NTM: variants seen among roughly 807,000 people sequenced by gnomAD.
The protein encoded by NTM is neurotrimin, also known as IgLON family member 2.
In NTM, 13 loss-of-function variants were observed where a neutral mutation model predicts 42.1. The ratio of observed to expected loss-of-function variants is 0.31; its 90% CI spans 0.20 to 0.49. The LOEUF (loss-of-function observed/expected upper bound fraction) is 0.49. NTM is among the 20% of genes least tolerant of loss of function. NTM has a pLI of 0.99. For missense variants in NTM, 373 were observed against 452.8 expected, an observed-to-expected ratio of 0.82 and a Z score of 1.60; for synonymous variants, 187 against 179.2, an observed-to-expected ratio of 1.04 and a Z score of -0.35.
At chr11:131,909,425 T>C (rs2054353669) in intron 1 of NTM, among the ~76,000 whole-genome samples, 1 of 152,232 alleles carries the variant, frequency 6.6e-6, no homozygotes, top group South Asian at 2.1e-4. Flanking sequence ...GGATGGCTTT[T>C]TGGAAGACCA....
chr11:132,038,523 A>G (rs1343901786), intron 2 of NTM, among the ~76,000 whole-genome samples: 1 of 151,896 alleles, frequency 6.6e-6, no homozygotes, highest in Non-Finnish European at 1.5e-5. Context: ...CCCTGACTGT[A>G]AAGAGGGGGT....
intron 2 of NTM, among the ~76,000 whole-genome samples, chr11:132,137,489 C>A (rs1029296923): frequency 6.6e-6 from 1 of 152,186 alleles, no homozygotes; most frequent in Non-Finnish European, 1.5e-5. Context: ...CAGACTCTTT[C>A]TTTCACGAGG....
intron 2 of NTM, among the ~76,000 whole-genome samples, chr11:132,035,938 C>A (rs1176179719): frequency 6.6e-6 from 1 of 152,112 alleles, no homozygotes; most frequent in Non-Finnish European, 1.5e-5. Flanking sequence ...GAGTGTGGAC[C>A]ATGTGCTGCT....
chr11:131,390,139 C>T (rs1029032762), intron 1 of NTM, among the ~76,000 whole-genome samples: 2 of 152,128 alleles, frequency 1.3e-5, no homozygotes, highest in African/African-American at 4.8e-5. Context: ...TTGGGTGAGG[C>T]CTCAGGAAGC....
intron 1 of NTM, among the ~76,000 whole-genome samples, chr11:131,636,585 G>T (rs1343539769): frequency 6.6e-6 from 1 of 152,204 alleles, no homozygotes; most frequent in African/African-American, 2.4e-5. Flanking sequence ...CATCTGTGAA[G>T]TTCTTTTGAA....
chr11:131,676,463 G>A (rs1013887046), intron 1 of NTM, among the ~76,000 whole-genome samples: 1 of 152,214 alleles, frequency 6.6e-6, no homozygotes, highest in African/African-American at 2.4e-5. Context: ...GTCTGTGCCT[G>A]TGTACATGCG....
intron 7 of NTM, among the ~76,000 whole-genome samples, chr11:132,321,483 G>T (rs541431251): frequency 6.6e-6 from 1 of 152,238 alleles, no homozygotes; most frequent in African/African-American, 2.4e-5. Context: ...GAGAAAAAAA[G>T]AATAAAAAGA....
chr11:131,894,794 T>C (rs1337271025), intron 1 of NTM, among the ~76,000 whole-genome samples: 1 of 152,174 alleles, frequency 6.6e-6, no homozygotes, highest in Non-Finnish European at 1.5e-5. Flanking sequence ...AAAGGGAAAA[T>C]GTCATTTTGG....
At chr11:132,217,929 CCTT>C (rs1393739430) in intron 4 of NTM, among the ~76,000 whole-genome samples, 1 of 152,120 alleles carries the variant, frequency 6.6e-6, no homozygotes, top group Non-Finnish European at 1.5e-5. Context: ...ACTGACAAGG[CCTT>C]CTCCTAGCCA....
chr11:131,485,263 G>T (rs1018058146), intron 1 of NTM, among the ~76,000 whole-genome samples: 1 of 151,870 alleles, frequency 6.6e-6, no homozygotes, highest in African/African-American at 2.4e-5. Context: ...AGGAGGCTGG[G>T]AGGAAGGATG....
chr11:132,142,597 T>C (rs2069416866), intron 2 of NTM, among the ~76,000 whole-genome samples: 1 of 152,186 alleles, frequency 6.6e-6, no homozygotes, highest in Admixed American at 6.5e-5. Context: ...CAGAGTTGGC[T>C]GCCGAGGTAC....
intron 4 of NTM, among the ~76,000 whole-genome samples, chr11:132,283,634 A>G (rs969826911): frequency 1.4e-4 from 22 of 152,218 alleles, no homozygotes; most frequent in African/African-American, 5.1e-4. Context: ...TAAATGATGA[A>G]TGAAAGAAAA....
chr11:131,920,877 G>T (rs927236009), intron 2 of NTM, among the ~76,000 whole-genome samples: 3 of 152,156 alleles, frequency 2.0e-5, no homozygotes, highest in Admixed American at 1.3e-4. Context: ...ATGTATCTGT[G>T]TGAAAATAGT....
intron 1 of NTM, among the ~76,000 whole-genome samples, chr11:131,688,025 C>G (rs1244879213): frequency 2.0e-5 from 3 of 152,246 alleles, no homozygotes; most frequent in Non-Finnish European, 4.4e-5. Context: ...TGATAGCCTC[C>G]CAGGAGTTAT....
At chr11:131,513,165 C>T (rs985900626) in intron 1 of NTM, among the ~76,000 whole-genome samples, 13 of 152,214 alleles carry the variant, frequency 8.5e-5, no homozygotes, top group South Asian at 2.1e-4. Context: ...GTGGCCCTTC[C>T]GTGGCTGAAG....
intron 1 of NTM, among the ~76,000 whole-genome samples, chr11:131,461,623 A>G (rs1180036151): frequency 1.1e-4 from 16 of 152,216 alleles, no homozygotes; most frequent in Admixed American, 1.0e-3. Context: ...AGACAAATGC[A>G]GAGAACAGTA....
chr11:131,555,371 A>C, intron 1 of NTM, among the ~76,000 whole-genome samples: 1 of 152,180 alleles, frequency 6.6e-6, no homozygotes. Flanking sequence ...CAGGGTTGTC[A>C]TTGGGTCCTT....
intron 2 of NTM, among the ~76,000 whole-genome samples, chr11:132,136,939 G>C (rs188456266): frequency 6.6e-6 from 1 of 152,084 alleles, no homozygotes. Flanking sequence ...CTTCATAGTC[G>C]CACTAGGCCT....
chr11:131,932,726 G>T (rs1344667692), intron 2 of NTM, among the ~76,000 whole-genome samples: 3 of 152,166 alleles, frequency 2.0e-5, no homozygotes, highest in Non-Finnish European at 1.5e-5. Context: ...GCTGAAAAGG[G>T]ATTCGCTCCC....
Sources: gnomAD v4.1 joint callset for allele counts (sites outside exome capture counted in the v4.1 genomes callset) on GRCh38, gnomAD v4.1.1 for gene constraint, MANE v1.5 for transcripts, NCBI Gene and HGNC (gene_info 2026-07-23, HGNC 2026-07-21) for gene names.